CDC42: variants seen among roughly 807,000 people sequenced by gnomAD.
The protein encoded by CDC42 is cell division cycle 42, also known as cell division control protein 42 homolog.
A neutral mutation model predicts 20.8 loss-of-function variants in CDC42; 1 was observed. That is an observed-to-expected ratio of 0.05 (90% confidence interval 0.02 to 0.23). The LOEUF (loss-of-function observed/expected upper bound fraction) is 0.23, where lower values mean the gene tolerates loss of function less well. CDC42 is among the 10% of genes least tolerant of loss of function. The pLI is 1.00. For synonymous variants in CDC42, 72 were observed against 84.8 expected (o/e 0.85, Z 0.83); for missense variants, 49 against 227.9 (o/e 0.21, Z 5.05).
At chr1:22,076,692 A>G (rs1645554692) in intron 1 of CDC42, among the ~76,000 whole-genome samples, 1 of 152,180 alleles carries the variant, frequency 6.6e-6, no homozygotes, top group East Asian at 1.9e-4. Context: ...GCTTACTATT[A>G]TTATTTGAGT....
intron 2 of CDC42, among the ~76,000 whole-genome samples, chr1:22,079,545 G>T (rs893498225): frequency 1.3e-5 from 2 of 152,128 alleles, no homozygotes; most frequent in Non-Finnish European, 2.9e-5. Context: ...ACTCATTTGT[G>T]AAAGGTAGTG....
In CDC42 at chr1:22,099,822, G is replaced by A. The variant is rs917049262; in HGVS notation, c.*8305G>A. Among the ~76,000 whole-genome samples the A allele has an allele frequency of 6.6e-6, 1 of 151,684 alleles. No homozygotes were observed. The highest frequency in any genetic ancestry group is 2.4e-5 in the African/African-American group (1 of 41,238). The stretch of plus-strand genomic sequence containing the variant: ...ACATGGCACTCTTTTAAGCCTTTGT[G>A]TGAATTAACTCAGTCTTCTCAGCAA... On this transcript the variant is annotated 3_prime_UTR_variant, in exon 6 of 6. Coordinates refer to ENST00000656825, the MANE Select transcript of CDC42 (RefSeq NM_001791.4).
chr1:22,072,380 A>G (rs566526042), intron 1 of CDC42, among the ~76,000 whole-genome samples: 1 of 152,026 alleles, frequency 6.6e-6, no homozygotes, highest in African/African-American at 2.4e-5. Flanking sequence ...TACAGGCTTG[A>G]ACCACCGTGC....
chr1:22,081,863 A>AT (rs1405869755), intron 3 of CDC42, 69 bp downstream of exon 3: 8 of 1,004,984 alleles, frequency 8.0e-6, no homozygotes, highest in Non-Finnish European at 9.2e-6. Context: ...TCTTGTGGAC[A>AT]TTTTGAGAAA....
At chr1:22,061,634 C>G (rs967630994) in intron 1 of CDC42, among the ~76,000 whole-genome samples, 1 of 137,732 alleles carries the variant, frequency 7.3e-6, no homozygotes, top group East Asian at 2.4e-4. Flanking sequence ...ACCTCTGCCT[C>G]CCGGGTTCAA....
chr1:22,087,087 C>T (rs998001650), intron 5 of CDC42, among the ~76,000 whole-genome samples: 3 of 152,054 alleles, frequency 2.0e-5, no homozygotes, highest in Admixed American at 6.5e-5. Context: ...TCGTATTGTA[C>T]TGAATGATTC....
At chr1:22,075,834 A>AG (rs1645543500) in intron 1 of CDC42, among the ~76,000 whole-genome samples, 1 of 152,198 alleles carries the variant, frequency 6.6e-6, no homozygotes, top group African/African-American at 2.4e-5. Context: ...CAGGCTTAAC[A>AG]GGGGACTCAC....
intron 1 of CDC42, among the ~76,000 whole-genome samples, chr1:22,057,682 C>G (rs1461972118): frequency 6.6e-6 from 1 of 151,736 alleles, no homozygotes; most frequent in Non-Finnish European, 1.5e-5. Flanking sequence ...CTATGTCTAG[C>G]CCAAAAACAT....
In CDC42 at chr1:22,098,466, T is replaced by C. The variant is rs1486140174; in HGVS notation, c.*6949T>C. ...TATGTTTAGGGACCAGTGCACACCT[T>C]GGTGATAGAACCTTTTTGAAACTTT... On this transcript the variant is annotated 3_prime_UTR_variant, in exon 6 of 6. Transcript: ENST00000656825. 1.3e-5 allele frequency among the ~76,000 whole-genome samples: 2 copies of C among 152,206 alleles called. No individual in the cohort carries two copies. Among genetic ancestry groups the C allele is most frequent in the African/African-American group, 4.8e-5 (2 of 41,458 alleles).
chr1:22,085,681 A>C (rs1048310668), intron 3 of CDC42, among the ~76,000 whole-genome samples: 1 of 152,136 alleles, frequency 6.6e-6, no homozygotes, highest in Non-Finnish European at 1.5e-5. Context: ...GTATCGATTA[A>C]TTCTTGCTAA....
chr1:22,095,364 G>A lies in CDC42; in HGVS notation c.*3847G>A, dbSNP rs562749770. Among the ~76,000 whole-genome samples the A allele has an allele frequency of 1.9e-4, 29 of 152,126 alleles. No individual in the cohort carries two copies. The highest frequency in any genetic ancestry group is 1.7e-3 in the Admixed American group (26 of 15,284). ...GGCTCATTGCAAGCTCCGCCTCCCG[G>A]GTTCACACCATTCTCCTGCCTCAGC... On this transcript the variant is annotated 3_prime_UTR_variant, in exon 6 of 6. Transcript: ENST00000656825.
At position 22,091,538 on chromosome 1, in the gene CDC42, C is replaced by T; in HGVS notation, c.*21C>T. The T allele has an allele frequency of 3.3e-6, 5 of 1,495,054 alleles. No individual in the cohort carries two copies. The highest frequency in any genetic ancestry group is 4.6e-6 in the Non-Finnish European group (5 of 1,078,776). 92.6% of individuals were successfully genotyped at this position (1,495,054 alleles called of 1,614,324 possible). On this transcript the variant is annotated 3_prime_UTR_variant, in exon 6 of 6. Transcript: ENST00000656825. ...TATGAACATCTCTCCAGAGCCCTTTCTGCACAGCTGGTGTCGGCATCATAC... is the reference window on the plus strand; with the variant it reads ...TATGAACATCTCTCCAGAGCCCTTTTTGCACAGCTGGTGTCGGCATCATAC...
At chr1:22,070,323 C>T (rs897617737) in intron 1 of CDC42, among the ~76,000 whole-genome samples, 23 of 152,210 alleles carry the variant, frequency 1.5e-4, no homozygotes, top group African/African-American at 5.5e-4. Context: ...AATATTTGCC[C>T]TGGCATGCTT....
At chr1:22,067,526 G>A (rs991613951) in intron 1 of CDC42, among the ~76,000 whole-genome samples, 25 of 152,086 alleles carry the variant, frequency 1.6e-4, no homozygotes, top group African/African-American at 6.0e-4. Flanking sequence ...TGTATTTTTA[G>A]TGGAGACAGG....
intron 3 of CDC42, among the ~76,000 whole-genome samples, chr1:22,083,605 T>A (rs543875673): frequency 5.5e-5 from 8 of 145,774 alleles, no homozygotes; most frequent in Non-Finnish European, 1.1e-4. Flanking sequence ...ACTCCGTCTT[T>A]AAAAAAAAAA....
At chr1:22,091,399 G>A (rs368719671) in intron 5 of CDC42, 29 bp from the exon 6 acceptor site, 32 of 1,396,840 alleles carry the variant, frequency 2.3e-5, no homozygotes, top group South Asian at 2.0e-4. Flanking sequence ...AAATCAGACC[G>A]CCCATTTTTT....
At chr1:22,090,797 G>A (rs1009172080) in intron 5 of CDC42, 121 of 984,952 alleles carry the variant, frequency 1.2e-4, no homozygotes, top group Middle Eastern at 5.2e-4. Flanking sequence ...ATATACAACC[G>A]TTTGTATAAA....
At chr1:22,067,515 T>G (rs1557896606) in intron 1 of CDC42, among the ~76,000 whole-genome samples, 1 of 152,110 alleles carries the variant, frequency 6.6e-6, no homozygotes, top group Non-Finnish European at 1.5e-5. Context: ...CGGCTAATTT[T>G]TGTATTTTTA....
chr1:22,059,296 A>C (rs1645337138), intron 1 of CDC42: 2 of 151,662 alleles, frequency 1.3e-5, no homozygotes, highest in Non-Finnish European at 2.9e-5. Context: ...ACGGGGCCTT[A>C]ATTATACATT....
Sources: gnomAD v4.1 joint callset for allele counts (sites outside exome capture counted in the v4.1 genomes callset) on GRCh38, gnomAD v4.1.1 for gene constraint, MANE v1.5 for transcripts, NCBI Gene and HGNC (gene_info 2026-07-23, HGNC 2026-07-21) for gene names.